CELF4: variants seen among roughly 807,000 people sequenced by gnomAD.
CELF4 encodes the protein CUGBP Elav-like family member 4.
In CELF4, 18 loss-of-function variants were observed where a neutral mutation model predicts 59.9. That is an observed-to-expected ratio of 0.30 (90% CI 0.21 to 0.45). The LOEUF (loss-of-function observed/expected upper bound fraction) is 0.45, where lower values mean the gene tolerates loss of function less well. Ranked by LOEUF, CELF4 falls within the 20% of genes least tolerant of loss-of-function variation. The pLI is 1.00. For synonymous variants in CELF4, 261 were observed against 267.1 expected, an observed-to-expected ratio of 0.98 and a Z score of 0.22; for missense variants, 456 against 689.0, an observed-to-expected ratio of 0.66 and a Z score of 3.79.
chr18:37,440,322 G>C (rs1437273224), intron 2 of CELF4, among the ~76,000 whole-genome samples: 3 of 152,142 alleles, frequency 2.0e-5, no homozygotes, highest in Non-Finnish European at 2.9e-5. Context: ...GGACATCCTA[G>C]AGAACTGAGG....
At chr18:37,364,956 C>A (rs2098756920) in intron 2 of CELF4, among the ~76,000 whole-genome samples, 1 of 152,048 alleles carries the variant, frequency 6.6e-6, no homozygotes, top group Non-Finnish European at 1.5e-5. Flanking sequence ...CAGCAGGGAC[C>A]AGGGCAGTTA....
chr18:37,289,413 C>T (rs1352708386), intron 3 of CELF4, among the ~76,000 whole-genome samples: 1 of 152,146 alleles, frequency 6.6e-6, no homozygotes, highest in Admixed American at 6.5e-5. Flanking sequence ...AAGACATAGT[C>T]CTCCCACCCA....
intron 3 of CELF4, among the ~76,000 whole-genome samples, chr18:37,299,055 C>A (rs1271972635): frequency 6.6e-6 from 1 of 152,196 alleles, no homozygotes; most frequent in Non-Finnish European, 1.5e-5. Context: ...CCAAAGGGAT[C>A]TGTGGCCCAG....
chr18:37,418,957 G>C (rs2099551016), intron 2 of CELF4, among the ~76,000 whole-genome samples: 1 of 152,202 alleles, frequency 6.6e-6, no homozygotes, highest in African/African-American at 2.4e-5. Context: ...TGCTGTGCCT[G>C]TGTCTAGTCT....
intron 1 of CELF4, among the ~76,000 whole-genome samples, chr18:37,500,737 T>C (rs913404642): frequency 6.6e-6 from 1 of 152,006 alleles, no homozygotes; most frequent in Admixed American, 6.6e-5. Context: ...GGTTTCACTG[T>C]GTTAGCCAGG....
At chr18:37,398,813 A>C (rs1270313362) in intron 2 of CELF4, among the ~76,000 whole-genome samples, 1 of 152,124 alleles carries the variant, frequency 6.6e-6, no homozygotes, top group Non-Finnish European at 1.5e-5. Flanking sequence ...ACCTTGGACA[A>C]ATCCCTTCTC....
chr18:37,424,498 C>T (rs908766052), intron 2 of CELF4, among the ~76,000 whole-genome samples: 2 of 152,162 alleles, frequency 1.3e-5, no homozygotes, highest in South Asian at 2.1e-4. Flanking sequence ...CTTGGAGGGT[C>T]GTGGCCTAGC....
intron 12 of CELF4, among the ~76,000 whole-genome samples, chr18:37,252,189 T>C (rs1030044778): frequency 1.3e-5 from 2 of 152,128 alleles, no homozygotes; most frequent in African/African-American, 4.8e-5. Flanking sequence ...CAAATGTGTA[T>C]TTTTCACATG....
At chr18:37,332,269 A>G (rs899388955) in intron 2 of CELF4, among the ~76,000 whole-genome samples, 2 of 152,098 alleles carry the variant, frequency 1.3e-5, no homozygotes, top group Non-Finnish European at 2.9e-5. Context: ...TCCACCGTCC[A>G]CTTGCAAAGA....
Position 37,402,995 on chromosome 18 carries a change from C to T in CELF4, c.370-81114G>A, listed in dbSNP as rs529017140. ...GGCCCCATGTGGCTTCTTGTGGCTC[C>T]GTGGGGGTGGCATCTTTTCCCTCAC... On this transcript the variant is annotated intron_variant, in intron 2 of 12. Coordinates refer to ENST00000420428, the MANE Select transcript of CELF4 (RefSeq NM_020180.4). 4.6e-5 allele frequency among the ~76,000 whole-genome samples: 7 copies of T among 152,192 alleles called. No homozygotes were observed. The South Asian group carries it at 1.0e-3, about 22-fold the overall frequency.
chr18:37,393,332 A>T (rs1416530075), intron 2 of CELF4, among the ~76,000 whole-genome samples: 1 of 152,210 alleles, frequency 6.6e-6, no homozygotes, highest in African/African-American at 2.4e-5. Flanking sequence ...CCATGGAAAC[A>T]GGGCATGGGG....
At chr18:37,464,344 T>A (rs1569569506) in intron 2 of CELF4, among the ~76,000 whole-genome samples, 2 of 152,180 alleles carry the variant, frequency 1.3e-5, no homozygotes, top group Non-Finnish European at 2.9e-5. Context: ...TGCCTTTCTA[T>A]CTGGGAGGCC....
chr18:37,343,720 C>A lies in CELF4; in HGVS notation c.370-21839G>T, dbSNP rs142036434. On this transcript the variant is annotated intron_variant, in intron 2 of 12. Transcript: ENST00000420428. The stretch of plus-strand genomic sequence containing the variant: ...GGGCATGCTGCATCCTCCTCCTTGC[C>A]ATGACAGCTGGATGCTGCTCGTGTT... Among the ~76,000 whole-genome samples the A allele has an allele frequency of 6.6e-5, 10 of 152,206 alleles. No individual in the cohort carries two copies. The East Asian group carries it at 1.9e-3, about 29-fold the overall frequency.
chr18:37,550,890 G>T (rs1433420604), intron 1 of CELF4, among the ~76,000 whole-genome samples: 1 of 152,258 alleles, frequency 6.6e-6, no homozygotes, highest in East Asian at 1.9e-4. Flanking sequence ...TGGCAACAGA[G>T]ATGGTAACGC....
intron 2 of CELF4, among the ~76,000 whole-genome samples, chr18:37,368,995 G>A (rs1322336815): frequency 6.6e-6 from 1 of 152,196 alleles, no homozygotes; most frequent in Non-Finnish European, 1.5e-5. Flanking sequence ...CGGCCTCCTG[G>A]GGGCTGAGTG....
At chr18:37,444,939 C>G (rs1013895368) in intron 2 of CELF4, among the ~76,000 whole-genome samples, 1 of 152,112 alleles carries the variant, frequency 6.6e-6, no homozygotes, top group Non-Finnish European at 1.5e-5. Flanking sequence ...GTGCGTGACG[C>G]GGGCTCCTGG....
At chr18:37,494,906 T>G (rs975582385) in intron 1 of CELF4, among the ~76,000 whole-genome samples, 1 of 152,130 alleles carries the variant, frequency 6.6e-6, no homozygotes, top group African/African-American at 2.4e-5. Context: ...GGTGACCTCA[T>G]CTTCTTCCCG....
chr18:37,514,694 T>C (rs2099948635), intron 1 of CELF4, among the ~76,000 whole-genome samples: 1 of 152,126 alleles, frequency 6.6e-6, no homozygotes, highest in Non-Finnish European at 1.5e-5. Flanking sequence ...GATAATAAAA[T>C]CTGGGGTATA....
At chr18:37,289,340 A>C (rs1328155728) in intron 3 of CELF4, among the ~76,000 whole-genome samples, 1 of 114,488 alleles carries the variant, frequency 8.7e-6, no homozygotes, top group Non-Finnish European at 1.7e-5. Flanking sequence ...GGGAGCTCAG[A>C]GGACAGAATG....
Sources: allele counts gnomAD v4.1 joint callset (sites outside exome capture counted in the v4.1 genomes callset), GRCh38; gene constraint gnomAD v4.1.1; transcripts MANE v1.5; gene names NCBI Gene and HGNC (gene_info 2026-07-23, HGNC 2026-07-21).